SORBS2: variants seen among roughly 807,000 people sequenced by gnomAD.
The protein encoded by SORBS2 is sorbin and SH3 domain-containing protein 2.
SORBS2 carries 46 observed loss-of-function variants against 97.7 expected under a neutral mutation model. The observed-to-expected ratio is 0.47, with a 90% CI of 0.37 to 0.60. The LOEUF is 0.60. Among genes scored for constraint, SORBS2 ranks in the 20% least tolerant of loss-of-function variants. The pLI is 0.00. For missense variants in SORBS2, 1,316 were observed against 1,282.3 expected (o/e 1.03, Z -0.40); for synonymous variants, 476 against 473.4 (o/e 1.01, Z -0.07).
At chr4:185,653,662 ATAAT>A (rs1488022079) in intron 1 of SORBS2, among the ~76,000 whole-genome samples, 1 of 152,236 alleles carries the variant, frequency 6.6e-6, no homozygotes, top group African/African-American at 2.4e-5. Flanking sequence ...TACTCAATAA[ATAAT>A]AACACTAGGG....
intron 1 of SORBS2, among the ~76,000 whole-genome samples, chr4:185,893,450 T>G (rs1354313766): frequency 1.3e-5 from 2 of 152,204 alleles, no homozygotes; most frequent in Non-Finnish European, 2.9e-5. Context: ...TCCAAGATAC[T>G]GGGAGACCCG....
chr4:185,690,427 T>C (rs2098071788), intron 2 of SORBS2, 135 bp downstream of exon 4: 1 of 473,620 alleles, frequency 2.1e-6, no homozygotes, highest in African/African-American at 1.9e-5. Flanking sequence ...AAGAAAGTAA[T>C]GAATCTATGC....
chr4:185,608,068 G>A (rs979069180), intron 12 of SORBS2, among the ~76,000 whole-genome samples: 1 of 152,142 alleles, frequency 6.6e-6, no homozygotes, highest in African/African-American at 2.4e-5. Flanking sequence ...ACTTAGTAGA[G>A]TATAAATGAC....
chr4:185,642,365 TTATC>T lies in SORBS2; in HGVS notation c.396+4299_396+4302del, dbSNP rs1384051267. 2.0e-5 allele frequency among the ~76,000 whole-genome samples: 3 copies of T among 152,150 alleles called. 1 individual carries two copies. Among genetic ancestry groups the T allele is most frequent in the Admixed American group, 1.3e-4 (2 of 15,278 alleles). On this transcript the variant is annotated intron_variant, in intron 4 of 14. Transcript: ENST00000418609. Reference sequence around the variant, plus strand: ...CATTTTCATATATTTTTTTTTTACTTTATCAAGCATACAGAGGTCCTAAACAAAT... The same window carrying T: ...CATTTTCATATATTTTTTTTTTACTTAAGCATACAGAGGTCCTAAACAAAT...
chr4:185,604,389 G>A (rs1301658214), intron 12 of SORBS2, among the ~76,000 whole-genome samples: 2 of 152,174 alleles, frequency 1.3e-5, no homozygotes, highest in Non-Finnish European at 2.9e-5. Context: ...AATATTTAGG[G>A]AGGAGAGGAG....
chr4:185,868,320 C>G (rs1354216023), intron 1 of SORBS2, among the ~76,000 whole-genome samples: 2 of 151,538 alleles, frequency 1.3e-5, no homozygotes, highest in East Asian at 2.0e-4. Flanking sequence ...CCATGCCCAG[C>G]TAATTTTTTG....
intron 1 of SORBS2, among the ~76,000 whole-genome samples, chr4:185,812,418 C>T (rs1200282983): frequency 1.3e-5 from 2 of 152,220 alleles, no homozygotes; most frequent in African/African-American, 4.8e-5. Flanking sequence ...ACACATTTCA[C>T]CGATAGTGCA....
chr4:185,668,981 C>G (rs1225637682), intron 4 of SORBS2, among the ~76,000 whole-genome samples: 1 of 152,208 alleles, frequency 6.6e-6, no homozygotes, highest in Non-Finnish European at 1.5e-5. Flanking sequence ...GGTGCTTAAA[C>G]CTTAATATGC....
Position 185,678,588 on chromosome 4 carries a change from G to T in SORBS2, c.-170-41C>A, listed in dbSNP as rs1035615494. The T allele has an allele frequency of 3.4e-6, 5 of 1,475,754 alleles. No individual in the cohort carries two copies. In the African/African-American group the frequency reaches 7.2e-5, roughly 21 times the overall value. 91.4% of individuals were successfully genotyped at this position (1,475,754 alleles called of 1,614,324 possible). A position where few individuals can be genotyped will look rare whatever the true frequency, so the allele number is the denominator to read the frequency against. On this transcript the variant is annotated intron_variant, in intron 3 of 20. Coordinates refer to the SORBS2 transcript ENST00000284776. ...AACAATTGGATACAAAAATATCTAC[G>T]TTCACTTAAACATTTTTTATAAAAT...
chr4:185,880,304 C>T (rs899494344), intron 1 of SORBS2, among the ~76,000 whole-genome samples: 6 of 152,186 alleles, frequency 3.9e-5, no homozygotes, highest in African/African-American at 1.4e-4. Context: ...ATGCTGGCTT[C>T]TGGTTTACTC....
chr4:185,781,799 C>T (rs1335359962), intron 1 of SORBS2, among the ~76,000 whole-genome samples: 3 of 152,264 alleles, frequency 2.0e-5, no homozygotes, highest in Admixed American at 2.0e-4. Flanking sequence ...TGCCCAGTGG[C>T]GAATGCCATG....
At chr4:185,845,406 G>T (rs1007121050) in intron 1 of SORBS2, among the ~76,000 whole-genome samples, 1 of 152,062 alleles carries the variant, frequency 6.6e-6, no homozygotes, top group Non-Finnish European at 1.5e-5. Flanking sequence ...ACTTTAAAGT[G>T]GTTAAAATGG....
chr4:185,612,789 C>T (rs2096562283), intron 11 of SORBS2, among the ~76,000 whole-genome samples: 1 of 152,154 alleles, frequency 6.6e-6, no homozygotes. Flanking sequence ...TGTGCCCGGC[C>T]CCTTTTCTTC....
intron 1 of SORBS2, among the ~76,000 whole-genome samples, chr4:185,841,183 C>A (rs1390274370): frequency 6.6e-6 from 1 of 152,116 alleles, no homozygotes; most frequent in Non-Finnish European, 1.5e-5. Flanking sequence ...TGATGACAAG[C>A]ATTGATGACT....
At chr4:185,661,737 C>A (rs922058651), upstream of SORBS2, among the ~76,000 whole-genome samples, 3 of 152,292 alleles carry the variant, frequency 2.0e-5, no homozygotes, top group South Asian at 6.2e-4. Flanking sequence ...TATATAGACC[C>A]CAGGAAATAG....
chr4:185,849,690 T>G (rs996231156), intron 1 of SORBS2, among the ~76,000 whole-genome samples: 1 of 152,212 alleles, frequency 6.6e-6, no homozygotes, highest in Non-Finnish European at 1.5e-5. Flanking sequence ...GGGGCAGGCC[T>G]GGGACTTTGC....
chr4:185,953,876 C>T (rs2099278386), intron 1 of SORBS2, among the ~76,000 whole-genome samples: 1 of 152,248 alleles, frequency 6.6e-6, no homozygotes, highest in African/African-American at 2.4e-5. Flanking sequence ...GGAGTAGGCG[C>T]AGAGCTGGGC....
At chr4:185,620,440 ATAGT>A (rs1351196637) in intron 7 of SORBS2, among the ~76,000 whole-genome samples, 1 of 152,230 alleles carries the variant, frequency 6.6e-6, no homozygotes, top group Non-Finnish European at 1.5e-5. Flanking sequence ...AAGACAATTT[ATAGT>A]TAGAGGGATT....
chr4:185,921,911 A>G (rs940133844), intron 1 of SORBS2, among the ~76,000 whole-genome samples: 9 of 152,214 alleles, frequency 5.9e-5, no homozygotes, highest in African/African-American at 2.2e-4. Flanking sequence ...CTGCCCTGCT[A>G]TTGGAGCTGC....
Sources: gnomAD v4.1 joint callset for allele counts (sites outside exome capture counted in the v4.1 genomes callset) on GRCh38, gnomAD v4.1.1 for gene constraint, MANE v1.5 for transcripts, NCBI Gene and HGNC (gene_info 2026-07-23, HGNC 2026-07-21) for gene names.